Variants in CDH12 observed in about 807,000 individuals in gnomAD.
CDH12 encodes the protein cadherin 12, also known as cadherin-12.
A neutral mutation model predicts 74.1 loss-of-function variants in CDH12; 41 were observed. The ratio of observed to expected loss-of-function variants is 0.55; its 90% CI spans 0.43 to 0.72. CDH12 has a LOEUF of 0.72. Ranked by LOEUF, CDH12 falls within the 30% of genes least tolerant of loss-of-function variation. The pLI, the probability that CDH12 is intolerant of heterozygous loss-of-function variation, is 0.00. For missense variants in CDH12, 945 were observed against 977.2 expected, an observed-to-expected ratio of 0.97 and a Z score of 0.44; for synonymous variants, 399 against 355.0, an observed-to-expected ratio of 1.12 and a Z score of -1.39.
chr5:22,584,699 C>A (rs1316061214), intron 1 of CDH12, among the ~76,000 whole-genome samples: 1 of 152,020 alleles, frequency 6.6e-6, no homozygotes, highest in Non-Finnish European at 1.5e-5. Context: ...TTTCTTCCTT[C>A]TTTTTATGTT....
intron 2 of CDH12, among the ~76,000 whole-genome samples, chr5:22,423,127 G>A (rs949999615): frequency 1.3e-5 from 2 of 151,296 alleles, no homozygotes; most frequent in Non-Finnish European, 2.9e-5. Context: ...AATACCCTTG[G>A]TGGAGGTTAT....
intron 1 of CDH12, among the ~76,000 whole-genome samples, chr5:22,565,735 G>A (rs1471022682): frequency 2.0e-5 from 3 of 152,102 alleles, no homozygotes; most frequent in Non-Finnish European, 4.4e-5. Context: ...GTCAAGGACA[G>A]GCAGATAGCA....
intron 3 of CDH12, among the ~76,000 whole-genome samples, chr5:22,300,158 C>A (rs2150419121): frequency 6.6e-6 from 1 of 152,250 alleles, no homozygotes; most frequent in Middle Eastern, 3.4e-3. Flanking sequence ...ATAGCATTGT[C>A]TAAAAGGCAC....
chr5:22,017,832 T>A (rs1239050862), intron 5 of CDH12, among the ~76,000 whole-genome samples: 1 of 151,558 alleles, frequency 6.6e-6, no homozygotes, highest in East Asian at 1.9e-4. Context: ...TAATCTCAGC[T>A]CACCACAACA....
At chr5:22,516,996 T>G (rs892231270) in intron 1 of CDH12, among the ~76,000 whole-genome samples, 1 of 152,114 alleles carries the variant, frequency 6.6e-6, no homozygotes. Flanking sequence ...AAAAAGCTAA[T>G]TTTTGTTGTT....
At chr5:21,964,662 T>C (rs1404305111) in intron 6 of CDH12, among the ~76,000 whole-genome samples, 2 of 151,988 alleles carry the variant, frequency 1.3e-5, no homozygotes, top group South Asian at 2.1e-4. Context: ...GATTAACATA[T>C]GTAGACAGTG....
chr5:22,602,146 G>T (rs181986391), intron 1 of CDH12, among the ~76,000 whole-genome samples: 5 of 152,154 alleles, frequency 3.3e-5, no homozygotes, highest in African/African-American at 1.2e-4. Context: ...TCAATTAGCT[G>T]TCAGAAAAGA....
At chr5:22,730,375 G>C (rs1057205360) in intron 1 of CDH12, among the ~76,000 whole-genome samples, 1 of 151,594 alleles carries the variant, frequency 6.6e-6, no homozygotes, top group Non-Finnish European at 1.5e-5. Context: ...AGCTATATTT[G>C]TTTTGTTTTT....
At chr5:22,481,866 G>A (rs1204077883) in intron 2 of CDH12, among the ~76,000 whole-genome samples, 1 of 152,056 alleles carries the variant, frequency 6.6e-6, no homozygotes, top group Non-Finnish European at 1.5e-5. Flanking sequence ...CTCATGTTAA[G>A]TGCGCTTGCA....
intron 3 of CDH12, among the ~76,000 whole-genome samples, chr5:22,320,029 T>C (rs987998557): frequency 1.3e-5 from 2 of 152,124 alleles, no homozygotes; most frequent in Non-Finnish European, 2.9e-5. Flanking sequence ...TCTCAAGCCT[T>C]GAGCCTGAAA....
At chr5:22,752,866 G>T (rs1745668588) in intron 1 of CDH12, among the ~76,000 whole-genome samples, 1 of 151,794 alleles carries the variant, frequency 6.6e-6, no homozygotes, top group African/African-American at 2.4e-5. Context: ...GAGCCACCGC[G>T]CCCGGCAGGA....
In CDH12 at chr5:22,535,801, G is replaced by A. The variant is rs555575776; in HGVS notation, c.-522-30437C>T. Among the ~76,000 whole-genome samples the A allele has an allele frequency of 2.0e-5, 3 of 152,266 alleles. No individual in the cohort carries two copies. In the South Asian group the frequency reaches 6.2e-4, roughly 32 times the overall value. ...CTTTAAGGTAACAACAGTAACTATG[G>A]GGAGGGATTATGAAAATACAGTCGG... On this transcript the variant is annotated intron_variant, in intron 1 of 14. Coordinates refer to ENST00000382254, the MANE Select transcript of CDH12 (RefSeq NM_004061.5).
intron 3 of CDH12, among the ~76,000 whole-genome samples, chr5:22,231,798 A>G (rs80295175): frequency 0.026 from 3,905 of 152,090 alleles, 73 homozygotes; most frequent in African/African-American, 0.053. Context: ...TCAAATTGCA[A>G]TGATAAAATC....
intron 1 of CDH12, among the ~76,000 whole-genome samples, chr5:22,615,417 A>G (rs948780078): frequency 1.3e-5 from 2 of 152,148 alleles, no homozygotes; most frequent in African/African-American, 4.8e-5. Context: ...GAAATAATTA[A>G]TAGAATATAA....
chr5:21,865,963 T>C (rs946049962), intron 6 of CDH12, among the ~76,000 whole-genome samples: 1 of 152,198 alleles, frequency 6.6e-6, no homozygotes, highest in Non-Finnish European at 1.5e-5. Context: ...GATAATTGAA[T>C]CATGGGGATG....
intron 2 of CDH12, among the ~76,000 whole-genome samples, chr5:22,418,606 C>T (rs965305286): frequency 5.3e-5 from 8 of 151,982 alleles, no homozygotes; most frequent in Non-Finnish European, 1.0e-4. Context: ...CTTATTGGCC[C>T]GGCACGGTAG....
chr5:22,064,568 T>C (rs567401443), intron 5 of CDH12, among the ~76,000 whole-genome samples: 9 of 152,288 alleles, frequency 5.9e-5, no homozygotes, highest in Admixed American at 3.9e-4. Flanking sequence ...GCAACAGAGA[T>C]ATGTAGAATA....
At chr5:21,990,857 T>C (rs889859622) in intron 5 of CDH12, among the ~76,000 whole-genome samples, 9 of 151,960 alleles carry the variant, frequency 5.9e-5, no homozygotes, top group Admixed American at 1.3e-4. Flanking sequence ...CCAGGTCATC[T>C]AACCCCATGT....
intron 2 of CDH12, among the ~76,000 whole-genome samples, chr5:22,410,410 C>T (rs1474188318): frequency 6.6e-6 from 1 of 152,068 alleles, no homozygotes; most frequent in Non-Finnish European, 1.5e-5. Flanking sequence ...GGTCCTGCCC[C>T]AGACTCGCAG....
Sources: gnomAD v4.1 joint callset for allele counts (sites outside exome capture counted in the v4.1 genomes callset) on GRCh38, gnomAD v4.1.1 for gene constraint, MANE v1.5 for transcripts, NCBI Gene and HGNC (gene_info 2026-07-23, HGNC 2026-07-21) for gene names.